The following ADAMTS17 variants were observed in gnomAD, a reference collection of about 807,000 sequenced individuals.
The protein encoded by ADAMTS17 is ADAM metallopeptidase with thrombospondin type 1 motif 17, also known as A disintegrin and metalloproteinase with thrombospondin motifs 17.
In ADAMTS17, 113 loss-of-function variants were observed where a neutral mutation model predicts 141.5. That is an observed-to-expected ratio of 0.80 (90% CI 0.69 to 0.93). ADAMTS17 has a LOEUF of 0.93. Ranked by LOEUF, ADAMTS17 falls within the 40% of genes least tolerant of loss-of-function variation. ADAMTS17 has a pLI of 0.00. For missense variants in ADAMTS17, 1,659 were observed against 1,517.9 expected (o/e 1.09, Z -1.54); for synonymous variants, 768 against 630.6 (o/e 1.22, Z -3.27).
intron 9 of ADAMTS17, among the ~76,000 whole-genome samples, chr15:100,154,011 T>C (rs1342171001): frequency 6.6e-6 from 1 of 152,282 alleles, no homozygotes; most frequent in East Asian, 1.9e-4. Flanking sequence ...CGAAACCCCA[T>C]CTCTACTAAA....
At chr15:100,216,067 C>T (rs554819338) in intron 7 of ADAMTS17, among the ~76,000 whole-genome samples, 9 of 152,182 alleles carry the variant, frequency 5.9e-5, no homozygotes, top group Non-Finnish European at 1.3e-4. Flanking sequence ...CTGGGGTCTG[C>T]ATTTGAGTCT....
chr15:100,339,136 A>G, intron 2 of ADAMTS17: 1 of 985,520 alleles, frequency 1.0e-6, no homozygotes, highest in South Asian at 4.7e-5. Flanking sequence ...CACTGAACTC[A>G]GCCTGTTGGC....
rs1173347843 is a variant in ADAMTS17 at position 100,341,019 on chromosome 15, G to A, written c.450+20C>T. The A allele has an allele frequency of 3.3e-6, 5 of 1,510,840 alleles. No homozygotes were observed. In the East Asian group the frequency reaches 7.7e-5, roughly 23 times the overall value. The allele number at this position is 1,510,840 out of a possible 1,614,324, so 93.6% of individuals were successfully genotyped here. A position where few individuals can be genotyped will look rare whatever the true frequency, so the allele number is the denominator to read the frequency against. On this transcript the variant is annotated intron_variant, in intron 2 of 21. Transcript: ENST00000268070. ...CGCAACAGACCGGACGGGCCGACCCGGAGGTGGCGCGGGCAGTACCAGGCC... is the reference window on the plus strand; with the variant it reads ...CGCAACAGACCGGACGGGCCGACCCAGAGGTGGCGCGGGCAGTACCAGGCC...
At chr15:99,998,053 G>A (rs1004508207) in intron 18 of ADAMTS17, among the ~76,000 whole-genome samples, 2 of 152,282 alleles carry the variant, frequency 1.3e-5, no homozygotes, top group East Asian at 1.9e-4. Flanking sequence ...CAGACAGCCC[G>A]CACCACTACC....
At chr15:100,251,357 G>A (rs193136155) in intron 7 of ADAMTS17, among the ~76,000 whole-genome samples, 4 of 152,336 alleles carry the variant, frequency 2.6e-5, no homozygotes, top group African/African-American at 9.6e-5. Flanking sequence ...GGATTGACTT[G>A]TGTCCCCACA....
intron 12 of ADAMTS17, among the ~76,000 whole-genome samples, chr15:100,123,809 G>A (rs1209544642): frequency 6.6e-6 from 1 of 152,188 alleles, no homozygotes; most frequent in African/African-American, 2.4e-5. Context: ...GACCCAGCAG[G>A]AACAGGCGCC....
intron 12 of ADAMTS17, among the ~76,000 whole-genome samples, chr15:100,117,904 A>G (rs754321188): frequency 2.0e-5 from 3 of 152,262 alleles, no homozygotes; most frequent in Non-Finnish European, 2.9e-5. Flanking sequence ...GTTCTGCTCA[A>G]TGAATTTCCA....
At chr15:100,185,861 G>T (rs2040696949) in intron 8 of ADAMTS17, among the ~76,000 whole-genome samples, 1 of 152,164 alleles carries the variant, frequency 6.6e-6, no homozygotes, top group Admixed American at 6.5e-5. Context: ...CTGAACACAA[G>T]CCTCCTGGTG....
intron 18 of ADAMTS17, among the ~76,000 whole-genome samples, chr15:100,023,562 G>GT (rs774075887): frequency 5.3e-5 from 8 of 152,054 alleles, no homozygotes; most frequent in Non-Finnish European, 1.2e-4. Context: ...TGAAATAACT[G>GT]TATTTGGGGC....
intron 8 of ADAMTS17, among the ~76,000 whole-genome samples, chr15:100,195,498 C>T (rs1381630956): frequency 1.3e-5 from 2 of 151,714 alleles, no homozygotes; most frequent in South Asian, 2.1e-4. Context: ...TCCATGTTTC[C>T]GTAAGACCAC....
At chr15:100,196,318 A>C (rs1166959859) in intron 8 of ADAMTS17, among the ~76,000 whole-genome samples, 1 of 152,272 alleles carries the variant, frequency 6.6e-6, no homozygotes, top group Non-Finnish European at 1.5e-5. Context: ...AATTGCTGAA[A>C]ATAAGCCCTA....
intron 7 of ADAMTS17, among the ~76,000 whole-genome samples, chr15:100,211,803 C>T (rs556577286): frequency 1.6e-4 from 24 of 152,326 alleles, no homozygotes; most frequent in Admixed American, 9.8e-4. Context: ...TATCAATTCA[C>T]ACCCAGCATG....
chr15:100,141,031 C>T (rs1001889448), intron 10 of ADAMTS17, among the ~76,000 whole-genome samples: 18 of 152,320 alleles, frequency 1.2e-4, no homozygotes, highest in Middle Eastern at 6.8e-3. Flanking sequence ...CCGCCCCCGG[C>T]GGCAGTGCTT....
At position 100,182,375 on chromosome 15, in the gene ADAMTS17, G is replaced by A. The variant is rs145549255; in HGVS notation, c.1181+16943C>T. 1.5e-4 allele frequency among the ~76,000 whole-genome samples: 23 copies of A among 152,286 alleles called. No homozygotes were observed. The East Asian group carries it at 2.5e-3, about 17-fold the overall frequency. On this transcript the variant is annotated intron_variant, in intron 8 of 21. Coordinates refer to ENST00000268070, the MANE Select transcript of ADAMTS17 (RefSeq NM_139057.4). Reference sequence around the variant, plus strand: ...TCCTCCCTCAAGACTTGGGGATTACGCGATTACAATTTGAAATGAGATTTG... The same window carrying A: ...TCCTCCCTCAAGACTTGGGGATTACACGATTACAATTTGAAATGAGATTTG...
chr15:100,072,852 G>A (rs947210245), intron 15 of ADAMTS17, among the ~76,000 whole-genome samples: 8 of 152,150 alleles, frequency 5.3e-5, no homozygotes, highest in Non-Finnish European at 1.2e-4. Context: ...CATGGGGAAG[G>A]ACTTCATGTC....
intron 4 of ADAMTS17, among the ~76,000 whole-genome samples, chr15:100,264,025 A>G (rs2043624157): frequency 6.6e-6 from 1 of 152,212 alleles, no homozygotes; most frequent in South Asian, 2.1e-4. Context: ...CACTGCTCGA[A>G]TTTTACTCTT....
intron 8 of ADAMTS17, among the ~76,000 whole-genome samples, chr15:100,198,168 A>G (rs1035577763): frequency 6.6e-6 from 1 of 152,224 alleles, no homozygotes; most frequent in Non-Finnish European, 1.5e-5. Context: ...AACTTAGAGT[A>G]GAATTAAAAA....
At position 100,302,167 on chromosome 15, in the gene ADAMTS17, T is replaced by C. The variant is rs186214578; in HGVS notation, c.617-20766A>G. ...GGTATTTCACATTAACAGAATCATA[T>C]AATATGTGATCTTCTGTGTCTGGTT... On this transcript the variant is annotated intron_variant, in intron 3 of 21. Coordinates refer to ENST00000268070, the MANE Select transcript of ADAMTS17 (RefSeq NM_139057.4). Among the ~76,000 whole-genome samples, 49 of 152,346 alleles carry C rather than the reference T, an allele frequency of 3.2e-4. 1 individual carries two copies. The highest frequency in any genetic ancestry group is 3.1e-3 in the Admixed American group (47 of 15,294).
intron 7 of ADAMTS17, among the ~76,000 whole-genome samples, chr15:100,236,300 A>G (rs1222496374): frequency 6.7e-6 from 1 of 148,346 alleles, no homozygotes; most frequent in Non-Finnish European, 1.5e-5. Context: ...AAAAAAAAAA[A>G]CCCTAACAAG....
Sources: allele counts gnomAD v4.1 joint callset (sites outside exome capture counted in the v4.1 genomes callset), GRCh38; gene constraint gnomAD v4.1.1; transcripts MANE v1.5; gene names NCBI Gene and HGNC (gene_info 2026-07-23, HGNC 2026-07-21).